The following VMP1 variants were observed in gnomAD, a reference collection of about 807,000 sequenced individuals.
VMP1 encodes vacuole membrane protein 1.
Under a neutral mutation model 56.0 loss-of-function variants are expected in VMP1, and 11 were observed. That is an observed-to-expected ratio of 0.20 (90% CI 0.12 to 0.32). The LOEUF is 0.32. Ranked by LOEUF, VMP1 falls within the 10% of genes least tolerant of loss-of-function variation. The pLI is 1.00. For synonymous variants in VMP1, 149 were observed against 165.0 expected, an observed-to-expected ratio of 0.90 and a Z score of 0.74; for missense variants, 296 against 490.3, an observed-to-expected ratio of 0.60 and a Z score of 3.74.
At chr17:59,821,214 C>T (rs1444933165) in intron 10 of VMP1, among the ~76,000 whole-genome samples, 1 of 151,992 alleles carries the variant, frequency 6.6e-6, no homozygotes, top group Non-Finnish European at 1.5e-5. Flanking sequence ...TCATGATCCG[C>T]CTGCCTAAGC....
At chr17:59,809,612 T>G (rs2037983356) in intron 8 of VMP1, among the ~76,000 whole-genome samples, 1 of 142,088 alleles carries the variant, frequency 7.0e-6, no homozygotes, top group Non-Finnish European at 1.5e-5. Flanking sequence ...GTTCACGCCA[T>G]TCTCCTGCCT....
Position 59,773,740 on chromosome 17 carries a change from G to T in VMP1, c.583-14G>T. On this transcript the variant is annotated splice_polypyrimidine_tract_variant and intron_variant, in intron 6 of 11. Coordinates refer to ENST00000262291, the MANE Select transcript of VMP1 (RefSeq NM_030938.5). The stretch of plus-strand genomic sequence containing the variant: ...AACAGAACCTCATTGTAAGTATTTT[G>T]GTTTTTCACCTAGGGTATCGGTACA... 6.3e-7 allele frequency: 1 copy of T among 1,585,468 alleles called. No individual in the cohort carries two copies. Among genetic ancestry groups the T allele is most frequent in the South Asian group, 1.2e-5 (1 of 86,882 alleles).
intron 5 of VMP1, among the ~76,000 whole-genome samples, chr17:59,753,738 A>G (rs567476300): frequency 3.7e-4 from 56 of 152,360 alleles, no homozygotes; most frequent in Middle Eastern, 3.4e-3. Flanking sequence ...ATCGACAATC[A>G]TTTTATAATT....
intron 7 of VMP1, among the ~76,000 whole-genome samples, chr17:59,780,633 C>T (rs1345618180): frequency 6.6e-6 from 1 of 152,094 alleles, no homozygotes; most frequent in African/African-American, 2.4e-5. Flanking sequence ...GTTGCCCAGG[C>T]TGGAATGTAG....
At chr17:59,797,140 TGGCCAGCATGGTG>T (rs2037463980) in intron 7 of VMP1, among the ~76,000 whole-genome samples, 1 of 143,262 alleles carries the variant, frequency 7.0e-6, no homozygotes, top group African/African-American at 2.7e-5. Context: ...CAGACCAGCC[TGGCCAGCATGGTG>T]AAACCCCCCC....
intron 7 of VMP1, among the ~76,000 whole-genome samples, chr17:59,779,631 G>A (rs1045310358): frequency 1.3e-5 from 2 of 152,038 alleles, no homozygotes; most frequent in Admixed American, 6.6e-5. Context: ...GTTATTTTTA[G>A]AACAAAGAGT....
At position 59,841,017 on chromosome 17, in the gene VMP1, C is replaced by T; in HGVS notation, c.*1106C>T. 2 of 178,016 alleles carry T rather than the reference C, an allele frequency of 1.1e-5. No homozygotes were observed. Among genetic ancestry groups the T allele is most frequent in the East Asian group, 1.5e-4 (1 of 6,730 alleles). 11.0% of individuals were successfully genotyped at this position (178,016 alleles called of 1,614,324 possible). ...TTTTATTCTTAGTGTGATTTTTTTC[C>T]ATTGGGATGTTTTTGATTGAACTTG... is the stretch of plus-strand genomic sequence containing the variant. On this transcript the variant is annotated 3_prime_UTR_variant, in exon 12 of 12. Coordinates refer to ENST00000262291, the MANE Select transcript of VMP1 (RefSeq NM_030938.5).
intron 7 of VMP1, among the ~76,000 whole-genome samples, chr17:59,788,743 T>C (rs1324047843): frequency 6.7e-6 from 1 of 150,102 alleles, no homozygotes; most frequent in Non-Finnish European, 1.5e-5. Flanking sequence ...GAGGCAGAAG[T>C]TGCAGTGAGC....
chr17:59,750,218 T>C (rs1001814772), intron 5 of VMP1, among the ~76,000 whole-genome samples: 4 of 152,210 alleles, frequency 2.6e-5, no homozygotes, highest in Non-Finnish European at 5.9e-5. Context: ...AATAAGTGCA[T>C]GTACTTCTTG....
At position 59,836,012 on chromosome 17, in the gene VMP1, T is replaced by C. The variant is rs115657625; in HGVS notation, c.975-2283T>C. Among the ~76,000 whole-genome samples the C allele has an allele frequency of 2.5e-3, 381 of 150,954 alleles. 1 individual carries two copies. Among genetic ancestry groups the C allele is most frequent in the African/African-American group, 8.9e-3 (367 of 41,458 alleles). Reference sequence around the variant, plus strand: ...CTAGTCTGCCTCCCTAATATAAGTCTGCTTAAAAGTCAGGGCCAGGAGCGG... The same window carrying C: ...CTAGTCTGCCTCCCTAATATAAGTCCGCTTAAAAGTCAGGGCCAGGAGCGG... On this transcript the variant is annotated intron_variant, in intron 10 of 11. Coordinates refer to ENST00000262291, the MANE Select transcript of VMP1 (RefSeq NM_030938.5).
At chr17:59,751,857 C>T (rs2035663928) in intron 5 of VMP1, among the ~76,000 whole-genome samples, 1 of 151,804 alleles carries the variant, frequency 6.6e-6, no homozygotes, top group Non-Finnish European at 1.5e-5. Flanking sequence ...TCTCTGTTGC[C>T]AGGCTGGAGT....
At chr17:59,735,032 C>T (rs1202980562) in intron 2 of VMP1, among the ~76,000 whole-genome samples, 4 of 151,196 alleles carry the variant, frequency 2.6e-5, no homozygotes, top group Non-Finnish European at 4.4e-5. Flanking sequence ...GTGCTTCAGC[C>T]TCCCGAGTAG....
At position 59,737,232 on chromosome 17, in the gene VMP1, G is replaced by A. The variant is rs186327904; in HGVS notation, c.213-221G>A. 1.3e-4 allele frequency among the ~76,000 whole-genome samples: 20 copies of A among 152,196 alleles called. No individual in the cohort carries two copies. The East Asian group carries it at 3.9e-3, about 29-fold the overall frequency. On this transcript the variant is annotated intron_variant, in intron 3 of 11. Coordinates refer to ENST00000262291, the MANE Select transcript of VMP1 (RefSeq NM_030938.5). ...TTTAATAAGATCAGGCTTTGGGTAA[G>A]GAAAAGGCTACAGTGGGGGTTATGA...
chr17:59,762,230 C>T (rs1362170755), intron 5 of VMP1, among the ~76,000 whole-genome samples: 5 of 152,186 alleles, frequency 3.3e-5, no homozygotes, highest in Non-Finnish European at 7.3e-5. Flanking sequence ...CATGCTCCCA[C>T]AAGAGTTGGA....
rs575048998 is a variant in VMP1 at position 59,768,325 on chromosome 17, G to A, written c.582+3187G>A. Among the ~76,000 whole-genome samples the A allele has an allele frequency of 3.9e-5, 6 of 152,260 alleles. No homozygotes were observed. The East Asian group carries it at 1.2e-3, about 29-fold the overall frequency. On this transcript the variant is annotated intron_variant, in intron 6 of 11. Transcript: ENST00000262291. ...TCTTCAACAAATGGTGCTGGGGACT[G>A]GGTGTAGTGGCTCACACCTGTAATC... is the stretch of plus-strand genomic sequence containing the variant.
intron 10 of VMP1, among the ~76,000 whole-genome samples, chr17:59,818,725 C>T (rs138538710): frequency 3.3e-5 from 5 of 151,514 alleles, no homozygotes; most frequent in East Asian, 3.9e-4. Context: ...GCAAGAAGAG[C>T]GAAACTCCAT....
chr17:59,768,476 G>T (rs763590857), intron 6 of VMP1, among the ~76,000 whole-genome samples: 1 of 151,892 alleles, frequency 6.6e-6, no homozygotes, highest in Non-Finnish European at 1.5e-5. Context: ...GGTGGTGGGT[G>T]CCTGTAGTCA....
intron 10 of VMP1, among the ~76,000 whole-genome samples, chr17:59,823,773 G>T (rs2038539060): frequency 6.6e-6 from 1 of 151,558 alleles, no homozygotes; most frequent in African/African-American, 2.4e-5. Context: ...TCGCTGAATG[G>T]TATAGCAAAT....
At chr17:59,811,006 C>G (rs577091158) in intron 8 of VMP1, among the ~76,000 whole-genome samples, 2 of 152,092 alleles carry the variant, frequency 1.3e-5, no homozygotes, top group Non-Finnish European at 2.9e-5. Flanking sequence ...ACTGAGTATT[C>G]AAAACATCTG....
Sources: allele counts gnomAD v4.1 joint callset (sites outside exome capture counted in the v4.1 genomes callset), GRCh38; gene constraint gnomAD v4.1.1; transcripts MANE v1.5; gene names NCBI Gene and HGNC (gene_info 2026-07-23, HGNC 2026-07-21).